The following PRKCB variants were observed in gnomAD, a reference collection of about 807,000 sequenced individuals.
PRKCB encodes the protein protein kinase C beta, also known as protein kinase C beta type.
A neutral mutation model predicts 81.5 loss-of-function variants in PRKCB; 13 were observed. That is an observed-to-expected ratio of 0.16 (90% CI 0.10 to 0.25). The LOEUF (loss-of-function observed/expected upper bound fraction) is 0.25. Ranked by LOEUF, PRKCB falls within the 10% of genes least tolerant of loss-of-function variation. The pLI, the probability that PRKCB is intolerant of heterozygous loss-of-function variation, is 1.00. For synonymous variants in PRKCB, 335 were observed against 321.4 expected (o/e 1.04, Z -0.45); for missense variants, 509 against 875.7 (o/e 0.58, Z 5.29).
chr16:24,116,100 G>C (rs1293207084), intron 8 of PRKCB, among the ~76,000 whole-genome samples: 1 of 152,120 alleles, frequency 6.6e-6, no homozygotes. Flanking sequence ...GTTTGGTTAC[G>C]GGGCTTTGAG....
chr16:23,885,154 A>G (rs1963180597), intron 2 of PRKCB, among the ~76,000 whole-genome samples: 2 of 152,316 alleles, frequency 1.3e-5, no homozygotes, highest in South Asian at 4.1e-4. Flanking sequence ...CACTAACTCT[A>G]TGATTTAACC....
intron 3 of PRKCB, among the ~76,000 whole-genome samples, chr16:24,012,536 C>T (rs1022538502): frequency 6.6e-6 from 1 of 152,244 alleles, no homozygotes; most frequent in African/African-American, 2.4e-5. Flanking sequence ...CCTTTCCACA[C>T]CTTTCTAAAA....
At position 24,144,908 on chromosome 16, in the gene PRKCB, C is replaced by T. The variant is rs796532515; in HGVS notation, c.1066-9776C>T. On this transcript the variant is annotated intron_variant, in intron 9 of 16. Coordinates refer to ENST00000643927, the MANE Select transcript of PRKCB (RefSeq NM_002738.7). Reference sequence around the variant, plus strand: ...ACAGTGGGCAGCTCAAAGAAAATGCCTGCCCTCATGGAGCTTCCACTCTTG... The same window carrying T: ...ACAGTGGGCAGCTCAAAGAAAATGCTTGCCCTCATGGAGCTTCCACTCTTG... Among the ~76,000 whole-genome samples the T allele has an allele frequency of 3.6e-4, 55 of 152,280 alleles. 1 individual carries two copies. Among genetic ancestry groups the T allele is most frequent in the African/African-American group, 1.1e-3 (45 of 41,552 alleles).
chr16:24,068,699 G>A (rs545153691), intron 5 of PRKCB, among the ~76,000 whole-genome samples: 3 of 152,226 alleles, frequency 2.0e-5, no homozygotes, highest in African/African-American at 7.2e-5. Flanking sequence ...TGTTAACATG[G>A]AAAAAGACCA....
chr16:23,941,458 A>G (rs1207629363), intron 2 of PRKCB, among the ~76,000 whole-genome samples: 1 of 152,212 alleles, frequency 6.6e-6, no homozygotes, highest in African/African-American at 2.4e-5. Context: ...AAGGCAAAAA[A>G]TAAAGCCATG....
chr16:23,965,673 G>A (rs1028064381), intron 2 of PRKCB, among the ~76,000 whole-genome samples: 4 of 152,230 alleles, frequency 2.6e-5, no homozygotes, highest in Admixed American at 1.3e-4. Context: ...TGAAAGTGTA[G>A]ACTTGGAGCT....
rs942266072 is a variant in PRKCB at position 24,217,110 on chromosome 16, AAAAG to A, written c.*2301_*2304del. 3.8e-5 allele frequency: 37 copies of A among 984,282 alleles called. No homozygotes were observed. In the South Asian group the frequency reaches 6.1e-4, roughly 16 times the overall value. 61.0% of individuals were successfully genotyped at this position (984,282 alleles called of 1,614,324 possible). On this transcript the variant is annotated 3_prime_UTR_variant, in exon 17 of 17. Coordinates refer to ENST00000643927, the MANE Select transcript of PRKCB (RefSeq NM_002738.7). ...AGAGAAAGAAAGGAAAGAAAGAAGA[AAAAG>A]AAAGAAGGAAAGAAAGAAAGAGAAA... is the stretch of plus-strand genomic sequence containing the variant.
At position 24,155,407 on chromosome 16, in the gene PRKCB, C is replaced by A. The variant is rs530108149; in HGVS notation, c.1239+550C>A. 9.8e-5 allele frequency among the ~76,000 whole-genome samples: 15 copies of A among 152,300 alleles called. No individual in the cohort carries two copies. In the East Asian group the frequency reaches 1.5e-3, roughly 16 times the overall value. ...CTTGTCCATTTGTCCATTTTCTGCT[C>A]TTGACTGTGATTTCAACCCTATCTG... On this transcript the variant is annotated intron_variant, in intron 10 of 16. Coordinates refer to ENST00000643927, the MANE Select transcript of PRKCB (RefSeq NM_002738.7).
chr16:24,160,630 A>T (rs1967239851), intron 10 of PRKCB, among the ~76,000 whole-genome samples: 2 of 152,330 alleles, frequency 1.3e-5, no homozygotes, highest in Admixed American at 1.3e-4. Flanking sequence ...CATCACCATG[A>T]TGAGGTACAA....
chr16:24,106,099 A>C (rs1023842043), intron 7 of PRKCB, among the ~76,000 whole-genome samples: 3 of 78,576 alleles, frequency 3.8e-5, no homozygotes, highest in Non-Finnish European at 8.2e-5. Context: ...GTCTTATTAC[A>C]AAAAAAAAGC....
At chr16:23,984,854 G>A (rs4788103) in intron 2 of PRKCB, among the ~76,000 whole-genome samples, 89,220 of 151,930 alleles carry the variant, frequency 0.59, 26,506 homozygotes, top group South Asian at 0.78. Context: ...CAGGGATGGG[G>A]CGAGACTATG....
chr16:24,155,675 G>T (rs989209451), intron 10 of PRKCB, among the ~76,000 whole-genome samples: 1 of 152,160 alleles, frequency 6.6e-6, no homozygotes, highest in Admixed American at 6.5e-5. Flanking sequence ...TGATTTTAGA[G>T]CCCAACCCAT....
At chr16:23,837,053 C>G (rs575519877) in intron 1 of PRKCB, among the ~76,000 whole-genome samples, 43 of 152,284 alleles carry the variant, frequency 2.8e-4, no homozygotes, top group African/African-American at 9.9e-4. Context: ...TTTATCTCTT[C>G]TCTTTTCCCG....
chr16:24,206,710 T>C (rs934212150), intron 16 of PRKCB, among the ~76,000 whole-genome samples: 6 of 152,218 alleles, frequency 3.9e-5, no homozygotes, highest in Non-Finnish European at 8.8e-5. Flanking sequence ...CTGTGCTCAA[T>C]GGCAGCACCT....
rs185855764 is a variant in PRKCB at position 24,008,349 on chromosome 16, T to C, written c.288+19759T>C. The stretch of plus-strand genomic sequence containing the variant: ...TTCCAGATATGCACTGCCAAAGGTC[T>C]GTGACCCTACAGCCTTGGCCTGATT... On this transcript the variant is annotated intron_variant, in intron 3 of 16. Coordinates refer to ENST00000643927, the MANE Select transcript of PRKCB (RefSeq NM_002738.7). Among the ~76,000 whole-genome samples the C allele has an allele frequency of 3.9e-5, 6 of 152,372 alleles. No homozygotes were observed. The East Asian group carries it at 1.2e-3, about 29-fold the overall frequency.
At chr16:24,211,371 A>T (rs1968135480) in intron 16 of PRKCB, among the ~76,000 whole-genome samples, 1 of 152,184 alleles carries the variant, frequency 6.6e-6, no homozygotes, top group Non-Finnish European at 1.5e-5. Context: ...TGATGCGTTG[A>T]TCACATACTC....
chr16:24,038,774 C>A (rs538968906), intron 5 of PRKCB, among the ~76,000 whole-genome samples: 1 of 152,166 alleles, frequency 6.6e-6, no homozygotes, highest in Admixed American at 6.5e-5. Flanking sequence ...AAAAGCTTGG[C>A]GAGAGTGTGG....
At chr16:23,967,502 T>C (rs764344872) in intron 2 of PRKCB, among the ~76,000 whole-genome samples, 8 of 152,082 alleles carry the variant, frequency 5.3e-5, no homozygotes, top group Non-Finnish European at 1.2e-4. Flanking sequence ...GTGGGAAGGA[T>C]TGAGAATGGG....
chr16:24,211,382 A>G (rs1043349856), intron 16 of PRKCB, among the ~76,000 whole-genome samples: 16 of 152,202 alleles, frequency 1.1e-4, no homozygotes, highest in Admixed American at 7.9e-4. Flanking sequence ...TCACATACTC[A>G]GTACCTGTTA....
Sources: gnomAD v4.1 joint callset for allele counts (sites outside exome capture counted in the v4.1 genomes callset) on GRCh38, gnomAD v4.1.1 for gene constraint, MANE v1.5 for transcripts, NCBI Gene and HGNC (gene_info 2026-07-23, HGNC 2026-07-21) for gene names.